Variants in FGF12 observed in about 807,000 individuals in gnomAD.
FGF12 encodes fibroblast growth factor 12, also known as fibroblast growth factor 12B.
A neutral mutation model predicts 23.6 loss-of-function variants in FGF12; 14 were observed. The ratio of observed to expected loss-of-function variants is 0.59; its 90% CI spans 0.39 to 0.93. FGF12 has a LOEUF of 0.93. Among genes scored for constraint, FGF12 ranks in the 40% least tolerant of loss-of-function variants. The pLI is 0.00. For missense variants in FGF12, 175 were observed against 217.8 expected (o/e 0.80, Z 1.24); for synonymous variants, 62 against 77.3 (o/e 0.80, Z 1.04).
chr3:192,490,277 T>C (rs916653659), intron 2 of FGF12, among the ~76,000 whole-genome samples: 2 of 152,106 alleles, frequency 1.3e-5, no homozygotes, highest in African/African-American at 4.8e-5. Context: ...CAGGATTTTG[T>C]AAATGGTTCT....
chr3:192,727,452 G>T, intron 1 of FGF12, 32 bp downstream of exon 1: 1 of 916,600 alleles, frequency 1.1e-6, no homozygotes, highest in Non-Finnish European at 1.6e-6. Flanking sequence ...CATGCACAGT[G>T]CCCGCTCAGA....
intron 2 of FGF12, among the ~76,000 whole-genome samples, chr3:192,555,062 T>C (rs910568852): frequency 1.3e-5 from 2 of 152,042 alleles, no homozygotes; most frequent in African/African-American, 4.8e-5. Flanking sequence ...GTTCATTATA[T>C]GCAATATGAG....
rs921479168 is a variant in FGF12, at chr3:192,514,639, G to A, written c.14-154101C>T. The A allele has an allele frequency of 6.3e-6, 6 of 955,772 alleles. No homozygotes were observed. The highest frequency in any genetic ancestry group is 6.2e-5 in the Admixed American group (1 of 16,220). The allele number at this position is 955,772 out of a possible 1,614,324, so 59.2% of individuals were successfully genotyped here. ...GGGAAGGGGGCATTCTGCAGTGTTT[G>A]GGGGCTGGGGAAAGAACATTTTCTC... is the stretch of plus-strand genomic sequence containing the variant. On this transcript the variant is annotated intron_variant, in intron 2 of 5. Coordinates refer to ENST00000445105, the MANE Select transcript of FGF12 (RefSeq NM_004113.6). The surrounding 1 kb of genome is among the most constrained non-coding windows in gnomAD (Gnocchi z 4.9).
intron 2 of FGF12, among the ~76,000 whole-genome samples, chr3:192,715,882 G>C (rs185615675): frequency 1.0e-3 from 153 of 152,320 alleles, no homozygotes; most frequent in African/African-American, 3.2e-3. Context: ...ATGGATCCTT[G>C]TATTAATTAA....
intron 2 of FGF12, among the ~76,000 whole-genome samples, chr3:192,652,636 T>C (rs567387802): frequency 6.6e-6 from 1 of 152,290 alleles, no homozygotes; most frequent in East Asian, 1.9e-4. Context: ...AAATACAAAT[T>C]CTCAGGCTAG....
chr3:192,502,465 G>T (rs1181521667), intron 2 of FGF12, among the ~76,000 whole-genome samples: 3 of 152,340 alleles, frequency 2.0e-5, no homozygotes, highest in African/African-American at 7.2e-5. Context: ...TTGTATAACA[G>T]ATAATGGAAA....
intron 2 of FGF12, among the ~76,000 whole-genome samples, chr3:192,687,262 G>A (rs1359159570): frequency 1.3e-5 from 2 of 151,842 alleles, no homozygotes; most frequent in Non-Finnish European, 2.9e-5. Flanking sequence ...GGTGGAGACA[G>A]TCAGTAGCAT....
At chr3:192,621,690 CAA>C (rs5855441) in intron 2 of FGF12, among the ~76,000 whole-genome samples, 1,769 of 94,340 alleles carry the variant, frequency 0.019, 36 homozygotes, top group African/African-American at 0.068. Flanking sequence ...GATACAAATA[CAA>C]AAAAAAAAAA....
chr3:192,458,801 G>A (rs544796662), intron 2 of FGF12, among the ~76,000 whole-genome samples: 6 of 152,114 alleles, frequency 3.9e-5, no homozygotes, highest in Non-Finnish European at 5.9e-5. Context: ...GGGGCCAGGG[G>A]TGGAATGATA....
At chr3:192,246,508 A>T (rs1711575071) in intron 4 of FGF12, among the ~76,000 whole-genome samples, 2 of 152,054 alleles carry the variant, frequency 1.3e-5, no homozygotes, top group Non-Finnish European at 2.9e-5. Context: ...GTTCTAATTG[A>T]CATAAATATA....
intron 2 of FGF12, among the ~76,000 whole-genome samples, chr3:192,641,129 G>A (rs145990404): frequency 0.22 from 10,659 of 48,558 alleles, 1,282 homozygotes; most frequent in East Asian, 0.33. Context: ...TTTTTGAGAC[G>A]GAGTCTCACT....
At chr3:192,570,791 G>A (rs917664597) in intron 2 of FGF12, among the ~76,000 whole-genome samples, 2 of 151,904 alleles carry the variant, frequency 1.3e-5, no homozygotes, top group African/African-American at 4.8e-5. Flanking sequence ...ACCAAAAAAA[G>A]TTCACTGTAA....
At chr3:192,694,364 T>A (rs1718041546) in intron 2 of FGF12, among the ~76,000 whole-genome samples, 1 of 151,972 alleles carries the variant, frequency 6.6e-6, no homozygotes. Flanking sequence ...AATACAACTA[T>A]CACATGTCCC....
At chr3:192,193,410 G>T (rs1308093900) in intron 4 of FGF12, among the ~76,000 whole-genome samples, 1 of 152,108 alleles carries the variant, frequency 6.6e-6, no homozygotes, top group African/African-American at 2.4e-5. Context: ...ACTCAGAAGG[G>T]TGCTCATTTT....
intron 2 of FGF12, among the ~76,000 whole-genome samples, chr3:192,507,232 G>A (rs949793824): frequency 2.6e-5 from 4 of 151,896 alleles, no homozygotes; most frequent in South Asian, 2.1e-4. Flanking sequence ...CTTCTGGGGT[G>A]AGCCTCTTGG....
chr3:192,247,834 T>C (rs1411796760), intron 4 of FGF12, among the ~76,000 whole-genome samples: 3 of 152,188 alleles, frequency 2.0e-5, no homozygotes, highest in African/African-American at 7.2e-5. Flanking sequence ...TAAGGGATAT[T>C]GAAAATGAAA....
At chr3:192,708,949 T>C (rs1266370891) in intron 2 of FGF12, among the ~76,000 whole-genome samples, 1 of 152,238 alleles carries the variant, frequency 6.6e-6, no homozygotes, top group African/African-American at 2.4e-5. Flanking sequence ...AGTTCTTAGC[T>C]TTCCCATAAT....
At chr3:192,261,893 T>A (rs1712780450) in intron 4 of FGF12, among the ~76,000 whole-genome samples, 1 of 152,138 alleles carries the variant, frequency 6.6e-6, no homozygotes. Flanking sequence ...TAGTAGCCCA[T>A]GAAAATTCTC....
rs1176614777 is a variant in FGF12 at position 192,158,399 on chromosome 3, TTC to T, written c.427+12057_427+12058del. On this transcript the variant is annotated intron_variant, in intron 5 of 5. Transcript: ENST00000445105. ...CTTTCTTTCTTTTCTTTCTCTCTCT[TTC>T]TTTTTCTTTCTTTCTCTTTCTTTTT... Among the ~76,000 whole-genome samples, 10 of 39,274 alleles carry T rather than the reference TTC, an allele frequency of 2.5e-4. No homozygotes were observed. In the East Asian group the frequency reaches 6.2e-3, roughly 25 times the overall value. The allele number at this position is 39,274 out of a possible 152,430, so 25.8% of individuals were successfully genotyped here.
Sources: gnomAD v4.1 joint callset for allele counts (sites outside exome capture counted in the v4.1 genomes callset) on GRCh38, gnomAD v4.1.1 for gene constraint, Gnocchi (gnomAD v3.1) non-coding constraint, MANE v1.5 for transcripts, NCBI Gene and HGNC (gene_info 2026-07-23, HGNC 2026-07-21) for gene names.